The following SIRT2 variants were observed in gnomAD, a reference collection of about 807,000 sequenced individuals.
SIRT2 encodes sirtuin 2, also known as NAD-dependent protein deacetylase sirtuin-2.
Under a neutral mutation model 57.4 loss-of-function variants are expected in SIRT2, and 40 were observed. The ratio of observed to expected loss-of-function variants is 0.70; its 90% confidence interval spans 0.54 to 0.91. SIRT2 has a LOEUF of 0.91. Ranked by LOEUF, SIRT2 falls within the 40% of genes least tolerant of loss-of-function variation. SIRT2 has a pLI of 0.00. For synonymous variants in SIRT2, 161 were observed against 195.7 expected, an observed-to-expected ratio of 0.82 and a Z score of 1.48; for missense variants, 439 against 510.4, an observed-to-expected ratio of 0.86 and a Z score of 1.35.
chr19:38,889,772 G>T, intron 6 of SIRT2, 27 bp from the exon 7 acceptor site: 1 of 1,614,184 alleles, frequency 6.2e-7, no homozygotes, highest in Non-Finnish European at 8.5e-7. Flanking sequence ...CAGAGGGCCA[G>T]ATGCCCCAGG....
chr19:38,894,239 G>A (rs1027373791), intron 2 of SIRT2: 2 of 260,728 alleles, frequency 7.7e-6, no homozygotes, highest in African/African-American at 2.3e-5. Context: ...TGGGACCACA[G>A]GCACGTGCCA....
chr19:38,890,251 G>A (rs1228623756), intron 4 of SIRT2, 107 bp from the exon 5 acceptor site: 8 of 1,136,094 alleles, frequency 7.0e-6, no homozygotes, highest in African/African-American at 1.5e-5. Flanking sequence ...AGGCCCTGGG[G>A]CAAGCATCTC....
At chr19:38,892,324 A>C (rs1973566015) in intron 4 of SIRT2, among the ~76,000 whole-genome samples, 1 of 151,536 alleles carries the variant, frequency 6.6e-6, no homozygotes, top group African/African-American at 2.4e-5. Context: ...GGAACCCGGG[A>C]GGTGGAGGTT....
chr19:38,890,561 G>C, intron 4 of SIRT2: 1 of 205,934 alleles, frequency 4.9e-6, no homozygotes, highest in Non-Finnish European at 1.0e-5. Context: ...GTGGTGGCAC[G>C]TGCCTGTAAT....
chr19:38,879,812 T>G, intron 13 of SIRT2, 110 bp from the exon 14 acceptor site: 1 of 772,384 alleles, frequency 1.3e-6, no homozygotes, highest in Non-Finnish European at 2.1e-6. Flanking sequence ...GACTTTGTTT[T>G]TTTTTTGTTG....
Position 38,880,959 on chromosome 19 carries a change from G to C in SIRT2, c.748-62C>G. ...AGGCTGCGCCACCGCTCCCTCCCCC[G>C]CCCCCAGCAGCAAACCTCCCTGCCG... On this transcript the variant is annotated intron_variant, in intron 11 of 15. Transcript: ENST00000249396. This position sits in a 1 kb window ranked among gnomAD's most constrained non-coding sequence, Gnocchi z 4.1. 1 of 1,560,986 alleles carries C rather than the reference G, an allele frequency of 6.4e-7. No individual in the cohort carries two copies. The highest frequency in any genetic ancestry group is 1.4e-5 in the African/African-American group (1 of 73,896).
At chr19:38,895,204 GCCCCAGCCTCCTC>G (rs952728250) in intron 2 of SIRT2, among the ~76,000 whole-genome samples, 6 of 151,636 alleles carry the variant, frequency 4.0e-5, no homozygotes, top group Admixed American at 1.3e-4. Context: ...CGGGGGTCCT[GCCCCAGCCTCCTC>G]CCCCAGCCTC....
intron 14 of SIRT2, 41 bp from the exon 15 acceptor site, chr19:38,879,541 C>T (rs1264289426): frequency 7.0e-6 from 11 of 1,569,464 alleles, no homozygotes; most frequent in Non-Finnish European, 9.5e-6. Context: ...GGCGGGCTCG[C>T]CCCTGCCTGC....
chr19:38,883,510 CAA>C, intron 9 of SIRT2, 115 bp downstream of exon 9: 1 of 1,381,632 alleles, frequency 7.2e-7, no homozygotes, highest in Non-Finnish European at 9.9e-7. Context: ...CAAAAACAAA[CAA>C]ACAAAACAAA....
chr19:38,879,512 C>T lies in SIRT2; in HGVS notation c.948-12G>A. On this transcript the variant is annotated splice_polypyrimidine_tract_variant and intron_variant, in intron 14 of 15. Transcript: ENST00000249396. ...GCCAGGCCACGTCCCTGCGGTGCAG[C>T]AGGAGATCAGAGTTCCCAGGCGGGC... 6.2e-7 allele frequency: 1 copy of T among 1,600,680 alleles called. No homozygotes were observed. Among genetic ancestry groups the T allele is most frequent in the Non-Finnish European group, 8.5e-7 (1 of 1,173,538 alleles).
rs1454214996 is a variant in SIRT2 at position 38,893,841 on chromosome 19, T to G, written c.90A>C (p.Gly30=). The G allele has an allele frequency of 1.2e-6, 2 of 1,613,484 alleles. No homozygotes were observed. The highest frequency in any genetic ancestry group is 1.7e-6 in the Non-Finnish European group (2 of 1,179,924). Residue 30 remains glycine, a synonymous_variant, in exon 3 of 16, where the codon GGA becomes GGC. Coordinates refer to ENST00000249396, the MANE Select transcript of SIRT2 (RefSeq NM_012237.4). Reference sequence around the variant, plus strand: ...CACTGTCTGCTTCTCCACCAGCGGCTCCTCCCTCAGAGTCTGAATCTGAGT... The same window carrying G: ...CACTGTCTGCTTCTCCACCAGCGGCGCCTCCCTCAGAGTCTGAATCTGAGT... ...AQDSDSDSEG[G]AAGGEADMDF...
intron 2 of SIRT2, among the ~76,000 whole-genome samples, chr19:38,897,445 G>A (rs957753094): frequency 6.6e-6 from 1 of 152,130 alleles, no homozygotes; most frequent in Non-Finnish European, 1.5e-5. Context: ...TTCCTCCAGG[G>A]AATGGCCTGG....
chr19:38,891,315 G>A (rs948760265), intron 4 of SIRT2, among the ~76,000 whole-genome samples: 21 of 152,234 alleles, frequency 1.4e-4, no homozygotes, highest in African/African-American at 4.1e-4. Context: ...TTGGGAGGCC[G>A]AGGGGGGCAG....
In SIRT2 at chr19:38,880,529, GA is replaced by G. The variant is rs956256608; in HGVS notation, c.876+155del. 1.1e-4 allele frequency: 68 copies of G among 603,184 alleles called. 1 individual carries two copies. The African/African-American group carries it at 1.2e-3, about 11-fold the overall frequency. The allele number at this position is 603,184 out of a possible 1,614,324, so 37.4% of individuals were successfully genotyped here. A position where few individuals can be genotyped will look rare whatever the true frequency, so the allele number is the denominator to read the frequency against. The stretch of plus-strand genomic sequence containing the variant: ...GCTCAAAAGGGCAGTGAATGTCCCA[GA>G]GGCCTGGAACCCGACCCCTCTGGAT... On this transcript the variant is annotated intron_variant, in intron 13 of 15. Transcript: ENST00000249396. The surrounding 1 kb of genome is among the most constrained non-coding windows in gnomAD (Gnocchi z 4.1).
chr19:38,895,800 C>T (rs112002109), intron 2 of SIRT2, among the ~76,000 whole-genome samples: 8,975 of 151,928 alleles, frequency 0.059, 812 homozygotes, highest in African/African-American at 0.2. Context: ...AGGCTGAGCA[C>T]GGTGGCTCAC....
At chr19:38,893,298 G>C in intron 4 of SIRT2, 116 bp downstream of exon 4, 1 of 700,876 alleles carries the variant, frequency 1.4e-6, no homozygotes, top group Admixed American at 2.2e-5. Context: ...GTTCCAGCTG[G>C]GTTTCTTGCT....
chr19:38,881,278 C>T, intron 10 of SIRT2, 123 bp from the exon 11 acceptor site: 1 of 1,163,510 alleles, frequency 8.6e-7, no homozygotes, highest in Non-Finnish European at 1.2e-6. Context: ...CGGCCAGGGG[C>T]ACAGACCCCA....
chr19:38,888,583 C>T (rs777376774), intron 8 of SIRT2, among the ~76,000 whole-genome samples: 33 of 152,120 alleles, frequency 2.2e-4, no homozygotes, highest in Non-Finnish European at 1.5e-4. Context: ...AAGCACCTGA[C>T]GTGTACGAGA....
At chr19:38,898,526 T>C in intron 1 of SIRT2, 101 bp from the exon 2 acceptor site, 1 of 492,924 alleles carries the variant, frequency 2.0e-6, no homozygotes, top group Non-Finnish European at 3.6e-6. Context: ...CCCACCAACC[T>C]AGTTACACTG....
Sources: gnomAD v4.1 joint callset for allele counts (sites outside exome capture counted in the v4.1 genomes callset) on GRCh38, gnomAD v4.1.1 for gene constraint, Gnocchi (gnomAD v3.1) non-coding constraint, MANE v1.5 for transcripts, NCBI Gene and HGNC (gene_info 2026-07-23, HGNC 2026-07-21) for gene names.